MED12L: variants seen among roughly 807,000 people sequenced by gnomAD.
The protein encoded by MED12L is mediator of RNA polymerase II transcription subunit 12-like protein.
Under a neutral mutation model 281.3 loss-of-function variants are expected in MED12L, and 60 were observed. That is an observed-to-expected ratio of 0.21 (90% CI 0.17 to 0.26). The LOEUF (loss-of-function observed/expected upper bound fraction) is 0.26, where lower values mean the gene tolerates loss of function less well. Among genes scored for constraint, MED12L ranks in the 10% least tolerant of loss-of-function variants. The probability of loss-of-function intolerance (pLI) is 1.00; values close to 1 mark genes in which losing one functional copy is unlikely to be tolerated. For missense variants in MED12L, 2,146 were observed against 2,680.9 expected (o/e 0.80, Z 4.41); for synonymous variants, 974 against 987.2 (o/e 0.99, Z 0.25).
intron 43 of MED12L, among the ~76,000 whole-genome samples, chr3:151,427,613 C>T (rs182533125): frequency 6.6e-6 from 1 of 152,122 alleles, no homozygotes; most frequent in Non-Finnish European, 1.5e-5. Context: ...ACCATGTACC[C>T]CAATATGCTG....
At chr3:151,195,539 G>A (rs1461150467) in intron 16 of MED12L, among the ~76,000 whole-genome samples, 1 of 151,896 alleles carries the variant, frequency 6.6e-6, no homozygotes, top group African/African-American at 2.4e-5. Context: ...CTTTTCTACT[G>A]TTACCTATAG....
chr3:151,235,346 A>G (rs1732519699), intron 16 of MED12L, among the ~76,000 whole-genome samples: 1 of 152,200 alleles, frequency 6.6e-6, no homozygotes, highest in Non-Finnish European at 1.5e-5. Flanking sequence ...TAAGAGTAGC[A>G]GGAATGTTCA....
intron 21 of MED12L, among the ~76,000 whole-genome samples, chr3:151,361,032 G>A (rs1393818763): frequency 6.6e-6 from 1 of 151,978 alleles, no homozygotes; most frequent in Non-Finnish European, 1.5e-5. Context: ...GATCAATGAG[G>A]CAGCTCTTTG....
chr3:151,339,260 CT>C (rs900945612), intron 16 of MED12L, among the ~76,000 whole-genome samples: 2 of 152,042 alleles, frequency 1.3e-5, no homozygotes, highest in African/African-American at 2.4e-5. Context: ...TTCACAGTCA[CT>C]TTTCCCCCCA....
chr3:151,202,706 G>A (rs1725800590), intron 16 of MED12L, among the ~76,000 whole-genome samples: 1 of 152,138 alleles, frequency 6.6e-6, no homozygotes, highest in South Asian at 2.1e-4. Flanking sequence ...AAGCTTATTA[G>A]ATTTTCTATG....
chr3:151,237,021 T>G (rs1178275476), intron 16 of MED12L, among the ~76,000 whole-genome samples: 1 of 151,718 alleles, frequency 6.6e-6, no homozygotes, highest in Admixed American at 6.6e-5. Flanking sequence ...GCATGAATGT[T>G]AAACTTCAGG....
At chr3:151,221,810 C>G (rs1559896408) in intron 16 of MED12L, among the ~76,000 whole-genome samples, 1 of 152,172 alleles carries the variant, frequency 6.6e-6, no homozygotes, top group African/African-American at 2.4e-5. Context: ...GATTGGAGCC[C>G]CCACACAGAG....
intron 16 of MED12L, among the ~76,000 whole-genome samples, chr3:151,224,718 C>T (rs1730137915): frequency 6.6e-6 from 1 of 152,168 alleles, no homozygotes; most frequent in African/African-American, 2.4e-5. Context: ...GTTTGACACT[C>T]ACCACACTTC....
In MED12L at chr3:151,175,583, A is replaced by G. The variant is rs375108488; in HGVS notation, c.1494+9601A>G. ...TCTCACCATGTACCTCCTAATTTCT[A>G]AAGGAAGCCTGCCTCTCAGATGTAG... On this transcript the variant is annotated intron_variant, in intron 11 of 44. Transcript: ENST00000687756. 2.0e-4 allele frequency among the ~76,000 whole-genome samples: 31 copies of G among 152,262 alleles called. 1 individual carries two copies. The East Asian group carries it at 4.2e-3, about 21-fold the overall frequency.
intron 16 of MED12L, chr3:151,278,323 A>C (rs1164249032): frequency 6.6e-6 from 1 of 152,066 alleles, no homozygotes; most frequent in Non-Finnish European, 1.5e-5. Context: ...GTCATGCTTC[A>C]CTCATTTTGA....
At chr3:151,345,410 G>A (rs551793412) in intron 16 of MED12L, among the ~76,000 whole-genome samples, 51 of 151,994 alleles carry the variant, frequency 3.4e-4, no homozygotes, top group African/African-American at 1.0e-3. Context: ...AGCAGAAATC[G>A]TTGATACTTT....
intron 43 of MED12L, among the ~76,000 whole-genome samples, chr3:151,417,486 C>CTT (rs1287791429): frequency 0.18 from 9,996 of 56,018 alleles, 1,064 homozygotes; most frequent in East Asian, 0.47. Flanking sequence ...TCCCCCCCCG[C>CTT]CTTTTTTTTT....
At chr3:151,319,450 GGT>G (rs745624176) in intron 16 of MED12L, among the ~76,000 whole-genome samples, 34 of 126,986 alleles carry the variant, frequency 2.7e-4, no homozygotes, top group South Asian at 5.3e-4. Flanking sequence ...AGAACATCCA[GGT>G]GTGTGTGTGT....
intron 16 of MED12L, among the ~76,000 whole-genome samples, chr3:151,292,629 A>G (rs142959303): frequency 2.7e-3 from 400 of 147,840 alleles, no homozygotes; most frequent in African/African-American, 9.3e-3. Context: ...CTGGAATGCA[A>G]TGGCACGATC....
chr3:151,129,715 TTGTGTGTGTGTGTGTGTG>T (rs62785262), intron 5 of MED12L, among the ~76,000 whole-genome samples: 2 of 147,546 alleles, frequency 1.4e-5, no homozygotes, highest in South Asian at 2.2e-4. Flanking sequence ...ATATCTACAT[TTGTGTGTGTGTGTGTGTG>T]TGTGTGTGTG....
At chr3:151,416,710 A>G (rs1050279676) in intron 43 of MED12L, among the ~76,000 whole-genome samples, 2 of 152,200 alleles carry the variant, frequency 1.3e-5, no homozygotes, top group Non-Finnish European at 2.9e-5. Context: ...TTTTTTTCCT[A>G]AACAATGATA....
intron 34 of MED12L, 24 bp downstream of exon 34, chr3:151,383,912 G>T: frequency 1.3e-6 from 2 of 1,590,424 alleles, no homozygotes; most frequent in South Asian, 2.2e-5. Context: ...ACTTCACATT[G>T]ATTTTGCTAC....
chr3:151,303,782 A>ACCC (rs1746273925), intron 16 of MED12L, among the ~76,000 whole-genome samples: 1 of 152,066 alleles, frequency 6.6e-6, no homozygotes, highest in Non-Finnish European at 1.5e-5. Context: ...AAACAAACAA[A>ACCC]AAACCCAAAA....
intron 16 of MED12L, among the ~76,000 whole-genome samples, chr3:151,306,255 T>C (rs550512198): frequency 3.3e-5 from 5 of 152,232 alleles, no homozygotes; most frequent in Non-Finnish European, 7.3e-5. Flanking sequence ...TCTTTTCAAA[T>C]GGTTTTTCTT....
Sources: gnomAD v4.1 joint callset for allele counts (sites outside exome capture counted in the v4.1 genomes callset) on GRCh38, gnomAD v4.1.1 for gene constraint, MANE v1.5 for transcripts, NCBI Gene and HGNC (gene_info 2026-07-23, HGNC 2026-07-21) for gene names.